SP110: variants seen among roughly 807,000 people sequenced by gnomAD.
SP110 encodes SP110 nuclear body protein.
A neutral mutation model predicts 92.7 loss-of-function variants in SP110; 62 were observed. That is an observed-to-expected ratio of 0.67 (90% CI 0.55 to 0.83). The LOEUF is 0.83. Ranked by LOEUF, SP110 falls within the 40% of genes least tolerant of loss-of-function variation. SP110 has a pLI of 0.00. For synonymous variants in SP110, 273 were observed against 305.3 expected, an observed-to-expected ratio of 0.89 and a Z score of 1.10; for missense variants, 793 against 863.9, an observed-to-expected ratio of 0.92 and a Z score of 1.03.
chr2:230,179,096 T>C (rs548047305), intron 12 of SP110, among the ~76,000 whole-genome samples: 4 of 152,214 alleles, frequency 2.6e-5, no homozygotes, highest in South Asian at 2.1e-4. Flanking sequence ...CAAACAGTTA[T>C]TGAAAGAGCT....
Position 230,171,712 on chromosome 2 carries a change from G to A in SP110, c.1871C>T (p.Thr624Met), listed in dbSNP as rs141805386. 3.7e-4 allele frequency: 593 copies of A among 1,613,010 alleles called. 1 individual carries two copies. Among genetic ancestry groups the A allele is most frequent in the South Asian group, 1.6e-4 (15 of 91,048 alleles). The change falls in exon 17 of 19, where the codon ACG becomes ATG. Residue 624 changes from threonine to methionine, a missense_variant. Transcript: ENST00000258381. ...AYCHPQSSFF[T>M]GIPFNIRDYG... ...GTGACTTACATTAAATGGGATGCCC[G>A]TAAAAAAGGAGCTTTGTGGATGACA... is the stretch of plus-strand genomic sequence containing the variant.
intron 12 of SP110, 92 bp from the exon 13 acceptor site, chr2:230,178,347 G>C (rs969687304): frequency 2.6e-6 from 2 of 765,122 alleles, no homozygotes; most frequent in African/African-American, 3.4e-5. Context: ...TAATGTACAG[G>C]GTATTGGGGA....
chr2:230,197,327 T>C (rs2042924287), intron 10 of SP110, among the ~76,000 whole-genome samples: 1 of 151,354 alleles, frequency 6.6e-6, no homozygotes, highest in Non-Finnish European at 1.5e-5. Context: ...GTTTTTTGGC[T>C]GCATAAATGT....
chr2:230,183,833 A>G lies in SP110; in HGVS notation c.1280-193T>C, dbSNP rs145404147. ...GCAAGCTCATGTTAATAGGCAGAAAAGCTAAAAATACTACAGAAGCCAAAT... is the reference window on the plus strand; with the variant it reads ...GCAAGCTCATGTTAATAGGCAGAAAGGCTAAAAATACTACAGAAGCCAAAT... On this transcript the variant is annotated intron_variant, in intron 11 of 18. Transcript: ENST00000258381. Among the ~76,000 whole-genome samples, 1,189 of 152,336 alleles carry G rather than the reference A, an allele frequency of 7.8e-3. 8 individuals carry two copies. The highest frequency in any genetic ancestry group is 0.024 in the Middle Eastern group (7 of 294).
chr2:230,178,335 A>T (rs143951497), intron 12 of SP110, 80 bp from the exon 13 acceptor site: 114 of 816,414 alleles, frequency 1.4e-4, no homozygotes, highest in Admixed American at 3.2e-4. Context: ...CATGAATTCC[A>T]ATAATGTACA....
At chr2:230,210,762 T>C (rs1003277045) in intron 6 of SP110, among the ~76,000 whole-genome samples, 1 of 152,230 alleles carries the variant, frequency 6.6e-6, no homozygotes, top group African/African-American at 2.4e-5. Flanking sequence ...TTGAGATTGG[T>C]CTCAAATGCT....
At chr2:230,192,951 T>C (rs1171832883) in intron 10 of SP110, among the ~76,000 whole-genome samples, 1 of 152,232 alleles carries the variant, frequency 6.6e-6, no homozygotes, top group Non-Finnish European at 1.5e-5. Flanking sequence ...AGTGGAATAC[T>C]GAAGTTCCCC....
At chr2:230,204,618 T>TA (rs200214376) in intron 8 of SP110, among the ~76,000 whole-genome samples, 6 of 151,318 alleles carry the variant, frequency 4.0e-5, no homozygotes, top group African/African-American at 1.5e-4. Context: ...TTTTTTTCAT[T>TA]AAAAAAAAAT....
intron 7 of SP110, among the ~76,000 whole-genome samples, chr2:230,208,325 G>A (rs1255966909): frequency 6.6e-6 from 1 of 152,206 alleles, no homozygotes; most frequent in Admixed American, 6.5e-5. Context: ...AGATATGGAA[G>A]TAGTTGAAGT....
intron 1 of SP110, 35 bp downstream of exon 1, chr2:230,219,839 G>C (rs781322998): frequency 5.7e-6 from 5 of 879,106 alleles, no homozygotes; most frequent in Non-Finnish European, 6.8e-6. Context: ...CAGTCACCAA[G>C]AGCGAAGAAT....
At chr2:230,220,187 G>A (rs7581442), upstream of SP110, 235,233 of 508,036 alleles carry the variant, frequency 0.46, 54,264 homozygotes, top group South Asian at 0.49. Context: ...GCCCAGAGAG[G>A]GAGGTATGGG....
At position 230,167,105 on chromosome 2, in the gene SP110, CTTTTT is replaced by C. The variant is rs34396036; in HGVS notation, c.*2014_*2018del. On this transcript the variant is annotated 3_prime_UTR_variant, in exon 19 of 19. Transcript: ENST00000258381. ...GAGCCTATTTCTTTTGTTTTCTTTC[CTTTTT>C]TTTTTTTTTTTTTTGAGGCAGGGTC... The C allele has an allele frequency of 4.2e-5, 5 of 119,208 alleles. No homozygotes were observed. The highest frequency in any genetic ancestry group is 3.1e-5 in the African/African-American group (1 of 32,592). The allele number at this position is 119,208 out of a possible 1,614,324, so 7.4% of individuals were successfully genotyped here. A position where few individuals can be genotyped will look rare whatever the true frequency, so the allele number is the denominator to read the frequency against.
intron 6 of SP110, among the ~76,000 whole-genome samples, chr2:230,210,279 G>A (rs564920395): frequency 6.6e-6 from 1 of 152,340 alleles, no homozygotes; most frequent in Non-Finnish European, 1.5e-5. Context: ...GGATGGAAGA[G>A]AAGTGAGTGA....
At chr2:230,197,807 TC>T (rs1328707739) in intron 10 of SP110, among the ~76,000 whole-genome samples, 2 of 152,188 alleles carry the variant, frequency 1.3e-5, no homozygotes. Context: ...GGGAATCCTT[TC>T]CCCATATAAT....
At chr2:230,180,077 T>G (rs1242344026) in intron 12 of SP110, among the ~76,000 whole-genome samples, 1 of 152,196 alleles carries the variant, frequency 6.6e-6, no homozygotes, top group African/African-American at 2.4e-5. Context: ...TGGGGCTCTC[T>G]AACGGCAGCT....
rs369725888 is a variant in SP110, at chr2:230,204,667, A to C, written c.899-1939T>G. Reference sequence around the variant, plus strand: ...GTGCCAGGACATTACCATCTAGCCTAGAAGAGACACATTATGTAAGTAATT... The same window carrying C: ...GTGCCAGGACATTACCATCTAGCCTCGAAGAGACACATTATGTAAGTAATT... On this transcript the variant is annotated intron_variant, in intron 8 of 18. Coordinates refer to ENST00000258381, the MANE Select transcript of SP110 (RefSeq NM_080424.4). Among the ~76,000 whole-genome samples the C allele has an allele frequency of 2.0e-5, 3 of 152,210 alleles. No homozygotes were observed. The East Asian group carries it at 5.8e-4, about 29-fold the overall frequency.
At chr2:230,173,128 T>A (rs1574593100) in intron 14 of SP110, 169 bp from the exon 15 acceptor site, 1 of 622,146 alleles carries the variant, frequency 1.6e-6, no homozygotes, top group South Asian at 1.6e-5. Context: ...GCAAGACAAA[T>A]GGCACAACAA....
rs771577813 is a variant in SP110, at chr2:230,169,086, T to C, written c.*38A>G. 19 of 1,353,056 alleles carry C rather than the reference T, an allele frequency of 1.4e-5. No homozygotes were observed. The highest frequency in any genetic ancestry group is 2.0e-5 in the Non-Finnish European group (19 of 942,260). The allele number at this position is 1,353,056 out of a possible 1,614,324, so 83.8% of individuals were successfully genotyped here. On this transcript the variant is annotated 3_prime_UTR_variant, in exon 19 of 19. Coordinates refer to ENST00000258381, the MANE Select transcript of SP110 (RefSeq NM_080424.4). ...CCAAGCCAGGGTCCCATCAGCTGAA[T>C]CCTGAGGTGGGGATGCTTCAGTCTT... is the stretch of plus-strand genomic sequence containing the variant.
chr2:230,204,703 A>G (rs1337483834), intron 8 of SP110, among the ~76,000 whole-genome samples: 1 of 152,158 alleles, frequency 6.6e-6, no homozygotes. Flanking sequence ...ACAATAGAGT[A>G]TTTGGAACCT....
Sources: gnomAD v4.1 joint callset for allele counts (sites outside exome capture counted in the v4.1 genomes callset) on GRCh38, gnomAD v4.1.1 for gene constraint, MANE v1.5 for transcripts, NCBI Gene and HGNC (gene_info 2026-07-23, HGNC 2026-07-21) for gene names.